The following LRRC31 variants were observed in gnomAD, a reference collection of about 807,000 sequenced individuals.
LRRC31 encodes the protein leucine-rich repeat-containing protein 31.
Under a neutral mutation model 46.7 loss-of-function variants are expected in LRRC31, and 35 were observed. The observed-to-expected ratio is 0.75, with a 90% CI of 0.57 to 0.99. The LOEUF (loss-of-function observed/expected upper bound fraction) is 0.99. Ranked by LOEUF, LRRC31 falls within the 50% of genes least tolerant of loss-of-function variation. The probability of loss-of-function intolerance (pLI) is 0.00; values close to 1 mark genes in which losing one functional copy is unlikely to be tolerated. For missense variants in LRRC31, 613 were observed against 626.1 expected, an observed-to-expected ratio of 0.98 and a Z score of 0.22; for synonymous variants, 236 against 235.1, an observed-to-expected ratio of 1.00 and a Z score of -0.03.
rs150362597 is a variant in LRRC31 at position 169,851,477 on chromosome 3, C to T, written c.1159+142G>A. On this transcript the variant is annotated intron_variant, in intron 7 of 8. Coordinates refer to ENST00000316428, the MANE Select transcript of LRRC31 (RefSeq NM_024727.4). ...ATTTTTATGGACTTTCAGAAGGTCACTTTTAAGAAGGCATATGTCCTGAAA... is the reference window on the plus strand; with the variant it reads ...ATTTTTATGGACTTTCAGAAGGTCATTTTTAAGAAGGCATATGTCCTGAAA... The T allele has an allele frequency of 3.2e-3, 2,375 of 737,942 alleles. 36 individuals carry two copies. Among genetic ancestry groups the T allele is most frequent in the African/African-American group, 0.024 (1,325 of 56,088 alleles). 45.7% of individuals were successfully genotyped at this position (737,942 alleles called of 1,614,324 possible).
chr3:169,861,663 T>A lies in LRRC31; in HGVS notation c.319+7A>T. 1 of 1,613,784 alleles carries A rather than the reference T, an allele frequency of 6.2e-7. No individual in the cohort carries two copies. The highest frequency in any genetic ancestry group is 8.5e-7 in the Non-Finnish European group (1 of 1,179,918). ...CTTCCTCTATGCAAAGTCTGCTGCA[T>A]ACAGACCCATTTCTTTCATGTCCGC... On this transcript the variant is annotated splice_region_variant and intron_variant, in intron 2 of 8. Coordinates refer to ENST00000316428, the MANE Select transcript of LRRC31 (RefSeq NM_024727.4).
At chr3:169,843,822 T>C (rs1780522241) in intron 8 of LRRC31, among the ~76,000 whole-genome samples, 1 of 152,208 alleles carries the variant, frequency 6.6e-6, no homozygotes, top group African/African-American at 2.4e-5. Flanking sequence ...GAAACAACTT[T>C]ATTTCCATAA....
At chr3:169,843,302 G>A (rs1246496946) in intron 8 of LRRC31, among the ~76,000 whole-genome samples, 1 of 152,212 alleles carries the variant, frequency 6.6e-6, no homozygotes, top group Non-Finnish European at 1.5e-5. Flanking sequence ...GAGCTAGCAA[G>A]AAAACGGGAC....
chr3:169,860,811 G>GT, intron 2 of LRRC31, 83 bp from the exon 3 acceptor site: 2 of 1,394,076 alleles, frequency 1.4e-6, no homozygotes, highest in Non-Finnish European at 2.0e-6. Context: ...TACATACACA[G>GT]GATATAGTTT....
intron 1 of LRRC31, among the ~76,000 whole-genome samples, chr3:169,867,046 TGTTTG>T (rs763785122): frequency 0.013 from 1,674 of 128,516 alleles, 118 homozygotes; most frequent in African/African-American, 0.03. Flanking sequence ...GGGTTTTTTT[TGTTTG>T]TTTGTTTGTT....
intron 1 of LRRC31, among the ~76,000 whole-genome samples, chr3:169,866,852 C>T (rs1781346160): frequency 6.6e-6 from 1 of 151,994 alleles, no homozygotes; most frequent in Non-Finnish European, 1.5e-5. Context: ...GTTCCAGCTA[C>T]TTGGGAGGCT....
In LRRC31 at chr3:169,850,762, C is replaced by CA. The variant is rs539486086; in HGVS notation, c.1159+856dup. ...AAAGTTCTTGGAAAGGGGCCTGGCA[C>CA]ATAGGATATGCTCAATAAATGTCAG... On this transcript the variant is annotated intron_variant, in intron 7 of 8. Coordinates refer to ENST00000316428, the MANE Select transcript of LRRC31 (RefSeq NM_024727.4). Among the ~76,000 whole-genome samples, 70 of 152,262 alleles carry CA rather than the reference C, an allele frequency of 4.6e-4. No homozygotes were observed. The South Asian group carries it at 0.014, about 30-fold the overall frequency.
intron 3 of LRRC31, among the ~76,000 whole-genome samples, chr3:169,857,317 C>CATATATATAT (rs1560629829): frequency 1.8e-4 from 10 of 55,548 alleles, no homozygotes; most frequent in African/African-American, 5.8e-4. Context: ...ATATCACATG[C>CATATATATAT]CTATATATAT....
At chr3:169,849,765 C>A (rs1780702134) in intron 7 of LRRC31, among the ~76,000 whole-genome samples, 1 of 152,238 alleles carries the variant, frequency 6.6e-6, no homozygotes, top group Non-Finnish European at 1.5e-5. Flanking sequence ...GCTCAGCATA[C>A]ACCAAAATTC....
At chr3:169,856,541 G>C (rs1319455785) in intron 4 of LRRC31, 38 bp from the exon 5 acceptor site, 1 of 1,534,470 alleles carries the variant, frequency 6.5e-7, no homozygotes, top group South Asian at 1.2e-5. Flanking sequence ...GGGTAGGTAG[G>C]AGGGGAGTGG....
chr3:169,865,160 A>G lies in LRRC31; in HGVS notation c.176-3347T>C, dbSNP rs550531321. 8.6e-5 allele frequency among the ~76,000 whole-genome samples: 13 copies of G among 151,992 alleles called. No individual in the cohort carries two copies. In the East Asian group the frequency reaches 2.5e-3, roughly 29 times the overall value. On this transcript the variant is annotated intron_variant, in intron 1 of 8. Transcript: ENST00000316428. ...CCAGCTAGTAGGGGGCTGAGGCACAAGAATCTCTTGAACCCGGGAGGTGGA... is the reference window on the plus strand; with the variant it reads ...CCAGCTAGTAGGGGGCTGAGGCACAGGAATCTCTTGAACCCGGGAGGTGGA...
chr3:169,846,174 A>G (rs1780598677), intron 8 of LRRC31, among the ~76,000 whole-genome samples: 2 of 152,234 alleles, frequency 1.3e-5, no homozygotes, highest in South Asian at 4.1e-4. Flanking sequence ...CCCATCTTCT[A>G]ATTACAATCA....
At chr3:169,857,343 TATACACACAC>T (rs1199126637) in intron 3 of LRRC31, among the ~76,000 whole-genome samples, 1 of 102,458 alleles carries the variant, frequency 9.8e-6, no homozygotes, top group African/African-American at 3.7e-5. Context: ...TATATATATA[TATACACACAC>T]ACACACACAC....
intron 6 of LRRC31, among the ~76,000 whole-genome samples, chr3:169,852,960 T>C (rs1277973516): frequency 1.3e-5 from 2 of 152,154 alleles, no homozygotes; most frequent in African/African-American, 4.8e-5. Context: ...ACATCAGAGG[T>C]ACAAATGTTT....
At chr3:169,849,600 G>A (rs1780698003) in intron 7 of LRRC31, among the ~76,000 whole-genome samples, 1 of 152,224 alleles carries the variant, frequency 6.6e-6, no homozygotes, top group Non-Finnish European at 1.5e-5. Context: ...GATCCCAGGA[G>A]TTCAAGGCTA....
At chr3:169,861,385 G>A (rs13061410) in intron 2 of LRRC31, among the ~76,000 whole-genome samples, 57,329 of 136,456 alleles carry the variant, frequency 0.42, 11,769 homozygotes, top group East Asian at 0.72. Flanking sequence ...AAAAAAAAAA[G>A]AAAAAAGAAA....
At chr3:169,841,579 T>C (rs192579340) in intron 8 of LRRC31, among the ~76,000 whole-genome samples, 36 of 152,342 alleles carry the variant, frequency 2.4e-4, no homozygotes, top group African/African-American at 7.5e-4. Context: ...TAAAACAATG[T>C]GCACGCTTTT....
intron 2 of LRRC31, 71 bp downstream of exon 2, chr3:169,861,599 A>G: frequency 3.3e-6 from 5 of 1,511,068 alleles, no homozygotes; most frequent in Non-Finnish European, 4.5e-6. Flanking sequence ...TGGGTAGCTG[A>G]GTATGTTTTA....
rs1780661720 is a variant in LRRC31 at position 169,848,235 on chromosome 3, G to C, written c.1212C>G (p.Asn404Lys). The C allele has an allele frequency of 1.2e-6, 2 of 1,614,202 alleles. No homozygotes were observed. The highest frequency in any genetic ancestry group is 1.7e-6 in the Non-Finnish European group (2 of 1,180,026). ...GCTTCAAGTTGCCACCAACACACTT[G>C]TTCCAAGAAAGGTTGAATACTTCCA... ...SALEVFNLSWNKCVGGNLKLL... is the reference protein window; with the variant it reads ...SALEVFNLSWKKCVGGNLKLL... The change falls in exon 8 of 9, where the codon AAC becomes AAG. Residue 404 changes from asparagine (N) to lysine (K), a missense_variant. Asn to Lys is a moderately conservative substitution (Grantham distance 94). Transcript: ENST00000316428.
Sources: allele counts gnomAD v4.1 joint callset (sites outside exome capture counted in the v4.1 genomes callset), GRCh38; gene constraint gnomAD v4.1.1; transcripts MANE v1.5; gene names NCBI Gene and HGNC (gene_info 2026-07-23, HGNC 2026-07-21).